The following EIF5B variants were observed in gnomAD, a reference collection of about 807,000 sequenced individuals.
EIF5B encodes the protein eIF-5B.
EIF5B carries 47 observed loss-of-function variants against 147.5 expected under a neutral mutation model. The ratio of observed to expected loss-of-function variants is 0.32; its 90% CI spans 0.25 to 0.41. The LOEUF (loss-of-function observed/expected upper bound fraction) is 0.41. Among genes scored for constraint, EIF5B ranks in the 10% least tolerant of loss-of-function variants. The probability of loss-of-function intolerance (pLI) is 1.00; values close to 1 mark genes in which losing one functional copy is unlikely to be tolerated. For synonymous variants in EIF5B, 455 were observed against 456.2 expected (o/e 1.00, Z 0.03); for missense variants, 1,064 against 1,413.2 (o/e 0.75, Z 3.96).
rs754605268 is a variant in EIF5B at position 99,396,740 on chromosome 2, C to T, written c.3255-20C>T. 1.9e-6 allele frequency: 3 copies of T among 1,578,226 alleles called. No homozygotes were observed. The highest frequency in any genetic ancestry group is 4.5e-5 in the East Asian group (2 of 44,552). ...TAAGTGATTCTGTAAGCTTAAAATT[C>T]TTTTCTTTTTTCCTTTCAGGCACAT... On this transcript the variant is annotated intron_variant, in intron 21 of 23. Transcript: ENST00000289371.
intron 8 of EIF5B, among the ~76,000 whole-genome samples, chr2:99,370,523 G>A (rs764335697): frequency 6.6e-6 from 1 of 152,136 alleles, no homozygotes; most frequent in Non-Finnish European, 1.5e-5. Flanking sequence ...CTGATATGAC[G>A]AGATTAGAGA....
chr2:99,380,743 C>CT (rs1674671238), intron 12 of EIF5B, among the ~76,000 whole-genome samples: 1 of 152,200 alleles, frequency 6.6e-6, no homozygotes, highest in Admixed American at 6.5e-5. Flanking sequence ...TAAAAAGAGT[C>CT]TATGAGTTTG....
At chr2:99,364,554 A>C (rs1378170754) in intron 6 of EIF5B, 133 bp downstream of exon 6, 19 of 802,510 alleles carry the variant, frequency 2.4e-5, no homozygotes, top group Non-Finnish European at 2.5e-5. Context: ...AGTTCAGTAA[A>C]ACGTAAGGAA....
At chr2:99,346,841 A>G (rs895611383) in intron 1 of EIF5B, among the ~76,000 whole-genome samples, 7 of 151,654 alleles carry the variant, frequency 4.6e-5, no homozygotes, top group South Asian at 4.2e-4. Context: ...AAGTGCTGGG[A>G]TTACAGGTGT....
intron 17 of EIF5B, 21 bp downstream of exon 17, chr2:99,390,726 T>G: frequency 6.3e-7 from 1 of 1,590,326 alleles, no homozygotes; most frequent in Non-Finnish European, 8.6e-7. Flanking sequence ...GTGGGAAGCA[T>G]TGACACGTGG....
intron 14 of EIF5B, among the ~76,000 whole-genome samples, chr2:99,388,701 A>G (rs886556098): frequency 9.2e-5 from 14 of 152,108 alleles, no homozygotes; most frequent in African/African-American, 3.4e-4. Flanking sequence ...CTTTTGATAT[A>G]TTGCTAGATT....
chr2:99,390,130 C>A, intron 15 of EIF5B, 89 bp from the exon 16 acceptor site: 1 of 1,432,722 alleles, frequency 7.0e-7, no homozygotes, highest in Non-Finnish European at 9.7e-7. Flanking sequence ...AAATGATGAG[C>A]CATTTGCTCA....
At chr2:99,362,111 A>G (rs568173837) in intron 4 of EIF5B, among the ~76,000 whole-genome samples, 4 of 152,226 alleles carry the variant, frequency 2.6e-5, no homozygotes, top group Non-Finnish European at 5.9e-5. Flanking sequence ...GAAGTTACTT[A>G]ATGAAAAATT....
At chr2:99,386,715 CG>C (rs1432954184) in intron 14 of EIF5B, among the ~76,000 whole-genome samples, 4 of 92,972 alleles carry the variant, frequency 4.3e-5, no homozygotes, top group African/African-American at 1.2e-4. Flanking sequence ...TTCTGGGGGG[CG>C]GGGGGGCGGT....
intron 15 of EIF5B, 87 bp from the exon 16 acceptor site, chr2:99,390,132 A>T: frequency 6.8e-7 from 1 of 1,467,466 alleles, no homozygotes; most frequent in Admixed American, 1.8e-5. Context: ...ATGATGAGCC[A>T]TTTGCTCATC....
rs779592269 is a variant in EIF5B, at chr2:99,382,777, C to T, written c.2130-3C>T. The T allele has an allele frequency of 1.9e-6, 3 of 1,588,704 alleles. No individual in the cohort carries two copies. Among genetic ancestry groups the T allele is most frequent in the East Asian group, 4.5e-5 (2 of 44,636 alleles). ...TTATAGATCTTTTCCTTCTTTTCAA[C>T]AGTAATCTGAGAAATAGAGGAAGCT... is the stretch of plus-strand genomic sequence containing the variant. On this transcript the variant is annotated splice_region_variant and splice_polypyrimidine_tract_variant and intron_variant, in intron 13 of 23. Coordinates refer to ENST00000289371, the MANE Select transcript of EIF5B (RefSeq NM_015904.4).
At chr2:99,354,073 G>A (rs1267912603) in intron 1 of EIF5B, among the ~76,000 whole-genome samples, 1 of 152,184 alleles carries the variant, frequency 6.6e-6, no homozygotes. Context: ...TGGGTTATGT[G>A]GTAAGTACAT....
At chr2:99,390,441 TA>T (rs1553536651) in intron 16 of EIF5B, 40 bp downstream of exon 16, 126 of 1,553,368 alleles carry the variant, frequency 8.1e-5, no homozygotes, top group Non-Finnish European at 8.3e-5. Context: ...TTTTTTTTTT[TA>T]AAAATAGCAA....
At chr2:99,353,965 G>A (rs187535322) in intron 1 of EIF5B, among the ~76,000 whole-genome samples, 3 of 152,188 alleles carry the variant, frequency 2.0e-5, no homozygotes, top group Admixed American at 2.0e-4. Flanking sequence ...CCAGTTTTTG[G>A]CTATTGAAAA....
chr2:99,366,102 T>C (rs112965477), intron 6 of EIF5B, among the ~76,000 whole-genome samples: 6 of 148,978 alleles, frequency 4.0e-5, no homozygotes, highest in East Asian at 2.0e-4. Context: ...CACACACACA[T>C]ATATGAGTAC....
At chr2:99,347,002 TTTA>T (rs1245203618) in intron 1 of EIF5B, among the ~76,000 whole-genome samples, 1 of 152,066 alleles carries the variant, frequency 6.6e-6, no homozygotes, top group Non-Finnish European at 1.5e-5. Flanking sequence ...ATATTCTTTT[TTTA>T]TTATTATTTT....
intron 6 of EIF5B, among the ~76,000 whole-genome samples, chr2:99,367,888 A>C (rs1674364037): frequency 6.6e-6 from 1 of 152,230 alleles, no homozygotes; most frequent in African/African-American, 2.4e-5. Context: ...TATTTGCCCA[A>C]GAGAAATGTT....
chr2:99,355,297 A>G (rs1374373898), intron 1 of EIF5B, among the ~76,000 whole-genome samples: 1 of 152,136 alleles, frequency 6.6e-6, no homozygotes, highest in East Asian at 1.9e-4. Context: ...AAATATTAGA[A>G]TAACCTTGTC....
At chr2:99,339,134 C>T (rs181473920) in intron 1 of EIF5B, among the ~76,000 whole-genome samples, 1 of 151,526 alleles carries the variant, frequency 6.6e-6, no homozygotes, top group East Asian at 1.9e-4. Flanking sequence ...CCTGCCTCAG[C>T]CTCCGAGTAG....
Sources: allele counts gnomAD v4.1 joint callset (sites outside exome capture counted in the v4.1 genomes callset), GRCh38; gene constraint gnomAD v4.1.1; transcripts MANE v1.5; gene names NCBI Gene and HGNC (gene_info 2026-07-23, HGNC 2026-07-21).